The following LATS1 variants were observed in gnomAD, a reference collection of about 807,000 sequenced individuals.
LATS1 encodes serine/threonine-protein kinase LATS1.
LATS1 carries 25 observed loss-of-function variants against 106.6 expected under a neutral mutation model. That is an observed-to-expected ratio of 0.23 (90% CI 0.17 to 0.33). LATS1 has a LOEUF of 0.33. LATS1 is among the 10% of genes least tolerant of loss of function. LATS1 has a pLI of 1.00. For synonymous variants in LATS1, 465 were observed against 455.6 expected, an observed-to-expected ratio of 1.02 and a Z score of -0.26; for missense variants, 1,040 against 1,382.6, an observed-to-expected ratio of 0.75 and a Z score of 3.93.
chr6:149,712,440 G>A (rs1301081679), intron 1 of LATS1, among the ~76,000 whole-genome samples: 5 of 152,170 alleles, frequency 3.3e-5, no homozygotes, highest in East Asian at 1.9e-4. Flanking sequence ...TCAGGTGACC[G>A]CCCACCTTGG....
chr6:149,696,921 G>A (rs193280860), intron 2 of LATS1, among the ~76,000 whole-genome samples: 2 of 152,128 alleles, frequency 1.3e-5, no homozygotes. Context: ...TAGGGTTGAT[G>A]TGAGGATTAA....
intron 5 of LATS1, among the ~76,000 whole-genome samples, chr6:149,677,410 G>T (rs1781779812): frequency 6.6e-6 from 1 of 152,226 alleles, no homozygotes; most frequent in Non-Finnish European, 1.5e-5. Flanking sequence ...AATGGGGCAA[G>T]AACTGTAAGA....
chr6:149,697,158 G>A, intron 2 of LATS1: 1 of 1,343,952 alleles, frequency 7.4e-7, no homozygotes, highest in Non-Finnish European at 9.9e-7. Flanking sequence ...AAGACTAATG[G>A]GTGAACAGGC....
chr6:149,713,565 C>T (rs932142580), intron 1 of LATS1, among the ~76,000 whole-genome samples: 4 of 151,898 alleles, frequency 2.6e-5, no homozygotes, highest in African/African-American at 7.3e-5. Flanking sequence ...CAAAGTGCTG[C>T]GATTACAGGT....
chr6:149,714,221 C>G (rs909467751), intron 1 of LATS1, among the ~76,000 whole-genome samples: 1 of 152,184 alleles, frequency 6.6e-6, no homozygotes, highest in Non-Finnish European at 1.5e-5. Flanking sequence ...ATCCACACAC[C>G]TCAGCCTCCC....
chr6:149,675,916 T>A (rs1364975926), intron 7 of LATS1: 4 of 239,796 alleles, frequency 1.7e-5, no homozygotes, highest in Middle Eastern at 1.7e-3. Context: ...TGAGGGGGGA[T>A]ACAAGATTAT....
chr6:149,713,566 G>A (rs774942908), intron 1 of LATS1, among the ~76,000 whole-genome samples: 13 of 152,138 alleles, frequency 8.5e-5, no homozygotes, highest in Non-Finnish European at 1.2e-4. Context: ...AAAGTGCTGC[G>A]ATTACAGGTG....
In LATS1 at chr6:149,659,965, C is replaced by T. The variant is rs992693156; in HGVS notation, c.*1764G>A. The T allele has an allele frequency of 4.0e-4, 92 of 231,362 alleles. No homozygotes were observed. The highest frequency in any genetic ancestry group is 1.8e-3 in the African/African-American group (83 of 45,224). 14.3% of individuals were successfully genotyped at this position (231,362 alleles called of 1,614,324 possible). A position where few individuals can be genotyped will look rare whatever the true frequency, so the allele number is the denominator to read the frequency against. On this transcript the variant is annotated 3_prime_UTR_variant, in exon 8 of 8. Transcript: ENST00000543571. Reference sequence around the variant, plus strand: ...TCATAAGGTCACCTTATATCACATGCTACAGACCTTTTCCATCACAAATTA... The same window carrying T: ...TCATAAGGTCACCTTATATCACATGTTACAGACCTTTTCCATCACAAATTA...
Position 149,683,716 on chromosome 6 carries a change from A to G in LATS1, c.1373T>C (p.Ile458Thr). Reference protein sequence around the residue: ...GHEIPTWQPNIPVRSNSFNNP... With the variant: ...GHEIPTWQPNTPVRSNSFNNP... ...ATTAAAAGAATTTGACCTCACTGGT[A>G]TGTTAGGTTGCCATGTAGGGATTTC... is the stretch of plus-strand genomic sequence containing the variant. Residue 458 changes from isoleucine to threonine, a missense_variant, in exon 4 of 8, where the codon ATA becomes ACA. Ile to Thr is a moderately conservative substitution (Grantham distance 89, BLOSUM62 -1). Coordinates refer to ENST00000543571, the MANE Select transcript of LATS1 (RefSeq NM_004690.4). The G allele has an allele frequency of 6.2e-7, 1 of 1,614,122 alleles. No homozygotes were observed. The highest frequency in any genetic ancestry group is 8.5e-7 in the Non-Finnish European group (1 of 1,180,038).
At chr6:149,709,181 G>C (rs936797773) in intron 1 of LATS1, among the ~76,000 whole-genome samples, 1 of 152,178 alleles carries the variant, frequency 6.6e-6, no homozygotes, top group Non-Finnish European at 1.5e-5. Flanking sequence ...ATGGGAAGCG[G>C]AGTTTGGCCA....
At chr6:149,676,783 T>A in intron 5 of LATS1, 46 bp from the exon 6 acceptor site, 1 of 1,522,818 alleles carries the variant, frequency 6.6e-7, no homozygotes, top group Non-Finnish European at 9.0e-7. Context: ...ATGACAACAG[T>A]AAACCTGAAG....
chr6:149,702,201 G>T lies in LATS1; in HGVS notation c.-75C>A. ...ATCCAGAGCTTTCTTCTGAGCAAAA[G>T]TGAAAATGATCCTTCAAGGAAGTCC... On this transcript the variant is annotated 5_prime_UTR_variant, in exon 2 of 8. Coordinates refer to ENST00000543571, the MANE Select transcript of LATS1 (RefSeq NM_004690.4). The T allele has an allele frequency of 1.0e-6, 1 of 969,288 alleles. No homozygotes were observed. The highest frequency in any genetic ancestry group is 1.6e-5 in the South Asian group (1 of 62,088). The allele number at this position is 969,288 out of a possible 1,614,324, so 60.0% of individuals were successfully genotyped here.
intron 3 of LATS1, among the ~76,000 whole-genome samples, chr6:149,690,957 C>A (rs1782712133): frequency 6.6e-6 from 1 of 152,052 alleles, no homozygotes; most frequent in Non-Finnish European, 1.5e-5. Context: ...CTCTTGCTAA[C>A]ATCCTCACTC....
At chr6:149,670,195 AAAAGAAAAG>A (rs1781374698) in intron 7 of LATS1, among the ~76,000 whole-genome samples, 1 of 72,064 alleles carries the variant, frequency 1.4e-5, no homozygotes, top group Admixed American at 1.8e-4. Flanking sequence ...AAAAAAAAAG[AAAAGAAAAG>A]AAAAGAAAAG....
chr6:149,663,449 TG>T (rs1459077146), intron 7 of LATS1, among the ~76,000 whole-genome samples: 1 of 152,126 alleles, frequency 6.6e-6, no homozygotes, highest in African/African-American at 2.4e-5. Flanking sequence ...CACTCCAGCC[TG>T]GGCGACAGAG....
chr6:149,670,171 CAAAAAAA>C lies in LATS1; in HGVS notation c.2883+6082_2883+6088del, dbSNP rs1177166262. The stretch of plus-strand genomic sequence containing the variant: ...TGGGCAACAGAGTGAAATTGCATCT[CAAAAAAA>C]AAAAAAAAAAAAAAAGAAAAGAAAA... On this transcript the variant is annotated intron_variant, in intron 7 of 7. Coordinates refer to ENST00000543571, the MANE Select transcript of LATS1 (RefSeq NM_004690.4). Among the ~76,000 whole-genome samples the C allele has an allele frequency of 3.5e-4, 11 of 31,658 alleles. 1 individual carries two copies. The highest frequency in any genetic ancestry group is 6.6e-4 in the Non-Finnish European group (9 of 13,648). The allele number at this position is 31,658 out of a possible 152,430, so 20.8% of individuals were successfully genotyped here.
In LATS1 at chr6:149,702,144, T is replaced by C. The variant is rs752363918; in HGVS notation, c.-18A>G. On this transcript the variant is annotated 5_prime_UTR_variant, in exon 2 of 8. Transcript: ENST00000543571. ...CTCTTCATGAAAACATCTATATATG[T>C]AGCCCACACGAAGGACTTCTTTATT... The C allele has an allele frequency of 2.2e-5, 33 of 1,504,166 alleles. No homozygotes were observed. The highest frequency in any genetic ancestry group is 2.8e-5 in the Non-Finnish European group (31 of 1,101,250). The allele number at this position is 1,504,166 out of a possible 1,614,324, so 93.2% of individuals were successfully genotyped here.
At position 149,676,737 on chromosome 6, in the gene LATS1, C is replaced by T; in HGVS notation, c.2594G>A (p.Gly865Asp). The change falls in exon 6 of 8, where the codon GGT (glycine) becomes GAT (aspartate). Residue 865 changes from glycine (G) to aspartate (D), a missense_variant and splice_region_variant. By Grantham distance (94) the Gly-to-Asp change is moderately conservative. Around this residue, in one of 7 missense-constraint regions of LATS1, gnomAD observed 63 missense variants for 64.3 expected, o/e 0.98. Transcript: ENST00000543571. Reference protein sequence around the residue: ...WTHDSKYYQSGDHPRQDSMDF... With the variant: ...WTHDSKYYQSDDHPRQDSMDF... ...CATGCTATCTTGCCGTGGATGGTCA[C>T]CTGCACAACAAAAGAATAAGTAAAT... 1.2e-6 allele frequency: 2 copies of T among 1,607,620 alleles called. No homozygotes were observed. The highest frequency in any genetic ancestry group is 1.7e-6 in the Non-Finnish European group (2 of 1,175,004).
intron 4 of LATS1, chr6:149,682,865 T>C: frequency 1.8e-6 from 1 of 551,182 alleles, no homozygotes; most frequent in South Asian, 3.2e-5. Flanking sequence ...TACACGAGAT[T>C]TTATTATAGG....
Sources: allele counts gnomAD v4.1 joint callset (sites outside exome capture counted in the v4.1 genomes callset), GRCh38; gene constraint gnomAD v4.1.1; regional missense constraint gnomAD v4.1.1; transcripts MANE v1.5; gene names NCBI Gene and HGNC (gene_info 2026-07-23, HGNC 2026-07-21).